RAPGEF2: variants seen among roughly 807,000 people sequenced by gnomAD.
RAPGEF2 encodes Rap guanine nucleotide exchange factor 2, also known as PDZ domain containing guanine nucleotide exchange factor (GEF) 1.
In RAPGEF2, 54 loss-of-function variants were observed where a neutral mutation model predicts 186.7. The observed-to-expected ratio is 0.29, with a 90% confidence interval of 0.23 to 0.36. The LOEUF is 0.36. Ranked by LOEUF, RAPGEF2 falls within the 10% of genes least tolerant of loss-of-function variation. RAPGEF2 has a pLI of 1.00. For missense variants in RAPGEF2, 1,532 were observed against 2,045.0 expected (o/e 0.75, Z 4.84); for synonymous variants, 712 against 705.9 (o/e 1.01, Z -0.14).
intron 7 of RAPGEF2, among the ~76,000 whole-genome samples, chr4:159,250,099 A>G (rs1755125970): frequency 6.6e-6 from 1 of 152,228 alleles, no homozygotes; most frequent in Non-Finnish European, 1.5e-5. Flanking sequence ...AAACCTTACT[A>G]AATAATTTTA....
intron 1 of RAPGEF2, among the ~76,000 whole-genome samples, chr4:159,159,866 A>G (rs77428105): frequency 2.5e-3 from 381 of 152,320 alleles, no homozygotes; most frequent in African/African-American, 8.7e-3. Context: ...GAGGAATACT[A>G]TTGTTCTCAG....
intron 17 of RAPGEF2, among the ~76,000 whole-genome samples, chr4:159,337,108 G>C (rs1368151988): frequency 6.6e-6 from 1 of 152,184 alleles, no homozygotes; most frequent in Non-Finnish European, 1.5e-5. Context: ...ATGGAAATGA[G>C]TTTGTCACTG....
chr4:159,309,688 A>G (rs1763729832), intron 8 of RAPGEF2, among the ~76,000 whole-genome samples: 1 of 152,210 alleles, frequency 6.6e-6, no homozygotes, highest in African/African-American at 2.4e-5. Flanking sequence ...AGACAATGCC[A>G]TTTCCAGCCA....
intron 4 of RAPGEF2, among the ~76,000 whole-genome samples, chr4:159,230,396 T>C (rs1752504367): frequency 6.6e-6 from 1 of 152,234 alleles, no homozygotes; most frequent in East Asian, 1.9e-4. Context: ...AATACACATA[T>C]ACACACAAAG....
At chr4:159,312,668 T>G (rs6824247) in intron 8 of RAPGEF2, among the ~76,000 whole-genome samples, 45,640 of 152,110 alleles carry the variant, frequency 0.3, 7,784 homozygotes, top group Non-Finnish European at 0.39. Flanking sequence ...TGTCTTCAAT[T>G]ATTTTCCCCT....
chr4:159,171,692 T>TC (rs1745921890), intron 1 of RAPGEF2, among the ~76,000 whole-genome samples: 1 of 152,022 alleles, frequency 6.6e-6, no homozygotes, highest in African/African-American at 2.4e-5. Flanking sequence ...AAATTTTTTT[T>TC]TTTAAGAATC....
At chr4:159,336,141 C>T (rs1198667489) in intron 17 of RAPGEF2, among the ~76,000 whole-genome samples, 1 of 146,250 alleles carries the variant, frequency 6.8e-6, no homozygotes, top group Non-Finnish European at 1.5e-5. Flanking sequence ...AAATAATTCA[C>T]ACTGAAATTG....
In RAPGEF2 at chr4:159,288,854, T is replaced by A. The variant is rs191305618; in HGVS notation, c.544-15488T>A. ...GAAGGTCTTTACTCTGGATATTCCTTCTGTCTGTAAAGCTTTCCTTCCACA... is the reference window on the plus strand; with the variant it reads ...GAAGGTCTTTACTCTGGATATTCCTACTGTCTGTAAAGCTTTCCTTCCACA... On this transcript the variant is annotated intron_variant, in intron 7 of 29. Coordinates refer to ENST00000691494, the MANE Select transcript of RAPGEF2 (RefSeq NM_001394067.2). 2.6e-3 allele frequency among the ~76,000 whole-genome samples: 402 copies of A among 152,310 alleles called. 3 individuals are homozygous for A. The highest frequency in any genetic ancestry group is 5.0e-3 in the Admixed American group (76 of 15,284).
chr4:159,112,162 A>G (rs1426853158), intron 1 of RAPGEF2, among the ~76,000 whole-genome samples: 4 of 152,206 alleles, frequency 2.6e-5, no homozygotes, highest in Admixed American at 1.3e-4. Flanking sequence ...TTCTGTTGTT[A>G]GTGAATAGTT....
chr4:159,173,174 T>A (rs1237620249), intron 1 of RAPGEF2, among the ~76,000 whole-genome samples: 1 of 152,218 alleles, frequency 6.6e-6, no homozygotes, highest in Non-Finnish European at 1.5e-5. Context: ...GAAAAACAGA[T>A]GTCAAATTAT....
At chr4:159,186,606 C>A in intron 1 of RAPGEF2, 36 bp from the exon 2 acceptor site, 1 of 1,135,726 alleles carries the variant, frequency 8.8e-7, no homozygotes, top group Non-Finnish European at 1.2e-6. Flanking sequence ...CTTTTCCTGA[C>A]AGGTCTAATA....
chr4:159,146,001 G>A (rs988167205), intron 1 of RAPGEF2, among the ~76,000 whole-genome samples: 6 of 152,110 alleles, frequency 3.9e-5, no homozygotes, highest in African/African-American at 1.2e-4. Flanking sequence ...TGTTGGTGTC[G>A]GAGTCTTATG....
At chr4:159,151,679 G>C (rs991330486) in intron 1 of RAPGEF2, among the ~76,000 whole-genome samples, 21 of 152,142 alleles carry the variant, frequency 1.4e-4, no homozygotes, top group African/African-American at 5.1e-4. Context: ...TAGAGAGTAG[G>C]GTGCTTGGGG....
intron 1 of RAPGEF2, among the ~76,000 whole-genome samples, chr4:159,159,527 CTTT>C (rs1744476425): frequency 6.8e-6 from 1 of 146,184 alleles, no homozygotes; most frequent in African/African-American, 2.5e-5. Context: ...CAAGAAAATT[CTTT>C]TATTTTGATT....
intron 1 of RAPGEF2, among the ~76,000 whole-genome samples, chr4:159,137,152 GTA>G (rs1741803475): frequency 6.6e-6 from 1 of 152,156 alleles, no homozygotes; most frequent in South Asian, 2.1e-4. Context: ...GAAGTTTACT[GTA>G]TTAGTCCATT....
At chr4:159,263,067 C>T (rs1757051565) in intron 7 of RAPGEF2, among the ~76,000 whole-genome samples, 1 of 152,048 alleles carries the variant, frequency 6.6e-6, no homozygotes, top group Non-Finnish European at 1.5e-5. Context: ...ACCAGAAGTG[C>T]CATTTCACTT....
At chr4:159,212,432 T>A (rs1304020723) in intron 4 of RAPGEF2, among the ~76,000 whole-genome samples, 1 of 152,166 alleles carries the variant, frequency 6.6e-6, no homozygotes, top group Non-Finnish European at 1.5e-5. Context: ...GAAGAAACAT[T>A]ATCAGCTAAA....
intron 3 of RAPGEF2, among the ~76,000 whole-genome samples, chr4:159,195,916 C>T (rs1748610559): frequency 9.4e-6 from 1 of 106,426 alleles, no homozygotes; most frequent in Non-Finnish European, 1.7e-5. Flanking sequence ...CCCAAGTAGG[C>T]TTAGAGGTTT....
chr4:159,207,285 C>T (rs770686276), intron 3 of RAPGEF2, among the ~76,000 whole-genome samples: 3 of 152,168 alleles, frequency 2.0e-5, no homozygotes, highest in Admixed American at 1.3e-4. Flanking sequence ...ATAGGCTAAT[C>T]GACGGGTGGT....
Sources: gnomAD v4.1 joint callset for allele counts (sites outside exome capture counted in the v4.1 genomes callset) on GRCh38, gnomAD v4.1.1 for gene constraint, MANE v1.5 for transcripts, NCBI Gene and HGNC (gene_info 2026-07-23, HGNC 2026-07-21) for gene names.